The following RCC1 variants were observed in gnomAD, a reference collection of about 807,000 sequenced individuals.
The protein encoded by RCC1 is regulator of chromosome condensation 1, also known as regulator of chromosome condensation.
A neutral mutation model predicts 44.4 loss-of-function variants in RCC1; 11 were observed. The observed-to-expected ratio is 0.25, with a 90% CI of 0.16 to 0.41. The LOEUF is 0.41. Ranked by LOEUF, RCC1 falls within the 10% of genes least tolerant of loss-of-function variation. The pLI, the probability that RCC1 is intolerant of heterozygous loss-of-function variation, is 1.00. For synonymous variants in RCC1, 213 were observed against 216.5 expected (o/e 0.98, Z 0.14); for missense variants, 386 against 547.1 (o/e 0.71, Z 2.94).
chr1:28,529,978 C>T, intron 5 of RCC1, 39 bp downstream of exon 5: 1 of 1,528,352 alleles, frequency 6.5e-7, no homozygotes, highest in Non-Finnish European at 9.0e-7. Context: ...ACAGGTGGCC[C>T]CTTGAAACCC....
intron 1 of RCC1, 84 bp downstream of exon 1, chr1:28,506,168 C>G: frequency 4.5e-6 from 2 of 448,038 alleles, no homozygotes; most frequent in Non-Finnish European, 8.9e-6. Context: ...GCCGAGCTTC[C>G]CTAGGAAGAT....
chr1:28,527,142 G>T, intron 4 of RCC1: 1 of 1,274,354 alleles, frequency 7.8e-7, no homozygotes, highest in Non-Finnish European at 1.1e-6. Context: ...AGGCCTGAGG[G>T]CTGCAGTGGC....
Position 28,536,942 on chromosome 1 carries a change from G to A in RCC1, c.1090+43G>A. On this transcript the variant is annotated intron_variant, in intron 12 of 12. Transcript: ENST00000683442. The surrounding 1 kb of genome is among the most constrained non-coding windows in gnomAD (Gnocchi z 4.9). ...CACTCTGTCTAGTTGGGACCTGGGG[G>A]TCATGGTTCTTACCCAATTCCCCAA... is the stretch of plus-strand genomic sequence containing the variant. The A allele has an allele frequency of 6.2e-7, 1 of 1,608,324 alleles. No individual in the cohort carries two copies. The highest frequency in any genetic ancestry group is 1.7e-5 in the Admixed American group (1 of 59,798).
chr1:28,533,325 G>A (rs1410048330), intron 7 of RCC1, among the ~76,000 whole-genome samples: 1 of 151,844 alleles, frequency 6.6e-6, no homozygotes, highest in Non-Finnish European at 1.5e-5. Context: ...CAAAAAATTA[G>A]CCAAGCGTGG....
rs1384018737 is a variant in RCC1, at chr1:28,512,000, A to G, written c.-153+3095A>G. Among the ~76,000 whole-genome samples the G allele has an allele frequency of 7.0e-5, 8 of 113,824 alleles. No homozygotes were observed. In the Middle Eastern group the frequency reaches 0.027, roughly 379 times the overall value. The allele number at this position is 113,824 out of a possible 152,430, so 74.7% of individuals were successfully genotyped here. A position where few individuals can be genotyped will look rare whatever the true frequency, so the allele number is the denominator to read the frequency against. Reference sequence around the variant, plus strand: ...CCTTTTTTTTTTTTTTTTTTTTGAGATGGAGTCTTTGCCTCCCAGGCTGGA... The same window carrying G: ...CCTTTTTTTTTTTTTTTTTTTTGAGGTGGAGTCTTTGCCTCCCAGGCTGGA... On this transcript the variant is annotated intron_variant, in intron 3 of 12. Coordinates refer to ENST00000683442, the MANE Select transcript of RCC1 (RefSeq NM_001381865.2).
intron 4 of RCC1, among the ~76,000 whole-genome samples, chr1:28,523,735 C>T (rs866238362): frequency 6.6e-6 from 1 of 152,338 alleles, no homozygotes; most frequent in African/African-American, 2.4e-5. Flanking sequence ...CCCTCCCAGG[C>T]ACAGCAGACT....
rs1419032083 is a variant in RCC1 at position 28,521,499 on chromosome 1, C to CAAA, written c.-10+4633_-10+4634insAAA. Among the ~76,000 whole-genome samples the CAAA allele has an allele frequency of 6.9e-4, 81 of 117,360 alleles. 3 individuals carry two copies. Among genetic ancestry groups the CAAA allele is most frequent in the African/African-American group, 2.3e-3 (67 of 29,366 alleles). 77.0% of individuals were successfully genotyped at this position (117,360 alleles called of 152,430 possible). A position where few individuals can be genotyped will look rare whatever the true frequency, so the allele number is the denominator to read the frequency against. ...TGGGCGACAGAGCGAGACTCCACCT[C>CAAA]AGAAAAAAAAAAAAAAAAAAAAAAG... On this transcript the variant is annotated intron_variant, in intron 4 of 12. Transcript: ENST00000683442.
At chr1:28,514,622 A>T (rs1188891275) in intron 3 of RCC1, among the ~76,000 whole-genome samples, 1 of 149,956 alleles carries the variant, frequency 6.7e-6, no homozygotes, top group Non-Finnish European at 1.5e-5. Flanking sequence ...TTAGCCGGGC[A>T]TGGTGGCACA....
chr1:28,524,445 G>A (rs770297733), intron 4 of RCC1, among the ~76,000 whole-genome samples: 3 of 152,180 alleles, frequency 2.0e-5, no homozygotes, highest in African/African-American at 7.2e-5. Context: ...CATGATCCCA[G>A]GCTCTTGGGA....
chr1:28,509,480 C>T (rs534656105), intron 3 of RCC1: 22 of 153,774 alleles, frequency 1.4e-4, no homozygotes, highest in African/African-American at 4.8e-4. Flanking sequence ...ACCTCGTGAT[C>T]CGCCCACCTC....
intron 4 of RCC1, among the ~76,000 whole-genome samples, chr1:28,520,983 G>GCGGGAGAAT (rs1484213821): frequency 6.6e-6 from 1 of 152,142 alleles, no homozygotes. Flanking sequence ...GGAGGCTGAG[G>GCGGGAGAAT]CGGGAGAATC....
intron 1 of RCC1, chr1:28,506,941 CCGCCA>C (rs1460572773): frequency 2.4e-5 from 4 of 166,102 alleles, no homozygotes; most frequent in African/African-American, 9.6e-5. Flanking sequence ...ACCTTGTGGT[CCGCCA>C]CGCCAGGCCG....
intron 3 of RCC1, among the ~76,000 whole-genome samples, chr1:28,516,400 T>C (rs1662896683): frequency 6.6e-6 from 1 of 151,070 alleles, no homozygotes; most frequent in South Asian, 2.1e-4. Context: ...TAATCCCAGC[T>C]ACCTGGGAGG....
At chr1:28,534,314 G>A (rs1257836237) in intron 7 of RCC1, among the ~76,000 whole-genome samples, 1 of 152,134 alleles carries the variant, frequency 6.6e-6, no homozygotes, top group African/African-American at 2.4e-5. Context: ...CCGAGTAGCT[G>A]GGACTACAGG....
intron 4 of RCC1, among the ~76,000 whole-genome samples, chr1:28,522,719 G>A (rs1451097153): frequency 2.7e-4 from 41 of 151,998 alleles, no homozygotes; most frequent in Admixed American, 2.7e-3. Context: ...GGAGGCTGAG[G>A]CAGGAGGGTC....
rs541949022 is a variant in RCC1 at position 28,532,646 on chromosome 1, G to C, written c.441+296G>C. 3 of 513,744 alleles carry C rather than the reference G, an allele frequency of 5.8e-6. No homozygotes were observed. The East Asian group carries it at 1.4e-4, about 25-fold the overall frequency. 31.8% of individuals were successfully genotyped at this position (513,744 alleles called of 1,614,324 possible). On this transcript the variant is annotated intron_variant, in intron 7 of 12. Coordinates refer to ENST00000683442, the MANE Select transcript of RCC1 (RefSeq NM_001381865.2). ...GCCTGCTGTCTTCACCCATCTCCCT[G>C]ACTTCTGTCTCCCCCTCACCTTGCC...
intron 4 of RCC1, among the ~76,000 whole-genome samples, chr1:28,525,107 A>ATTGAGC (rs1249848793): frequency 6.6e-6 from 1 of 152,004 alleles, no homozygotes; most frequent in Non-Finnish European, 1.5e-5. Flanking sequence ...AGAGGTCGTG[A>ATTGAGC]TTGATTGAGC....
intron 4 of RCC1, among the ~76,000 whole-genome samples, chr1:28,519,952 G>A (rs1663167565): frequency 1.3e-5 from 2 of 151,348 alleles, no homozygotes; most frequent in Non-Finnish European, 2.9e-5. Context: ...AGTCGCTGCA[G>A]CCTCCACCTC....
intron 4 of RCC1, chr1:28,526,362 A>G: frequency 5.3e-6 from 2 of 378,848 alleles, no homozygotes; most frequent in South Asian, 7.4e-5. Flanking sequence ...GAGACCTCTT[A>G]GTGCAAGACC....
Sources: allele counts gnomAD v4.1 joint callset (sites outside exome capture counted in the v4.1 genomes callset), GRCh38; gene constraint gnomAD v4.1.1; non-coding constraint Gnocchi (gnomAD v3.1); transcripts MANE v1.5; gene names NCBI Gene and HGNC (gene_info 2026-07-23, HGNC 2026-07-21).